Variants in NRF1 observed in about 807,000 individuals in gnomAD.
The protein encoded by NRF1 is nuclear respiratory factor 1.
In NRF1, 5 loss-of-function variants were observed where a neutral mutation model predicts 58.5. The observed-to-expected ratio is 0.09, with a 90% confidence interval of 0.04 to 0.18. The LOEUF is 0.18. NRF1 is among the 10% of genes least tolerant of loss of function. NRF1 has a pLI of 1.00. For synonymous variants in NRF1, 224 were observed against 246.7 expected (o/e 0.91, Z 0.86); for missense variants, 288 against 657.7 (o/e 0.44, Z 6.15).
chr7:129,701,501 A>G (rs1468526151), intron 5 of NRF1, among the ~76,000 whole-genome samples: 1 of 151,908 alleles, frequency 6.6e-6, no homozygotes, highest in Non-Finnish European at 1.5e-5. Context: ...AGGTTGAGGC[A>G]GGAGAATCAC....
chr7:129,696,193 G>A (rs1235417454), intron 5 of NRF1, among the ~76,000 whole-genome samples: 3 of 151,884 alleles, frequency 2.0e-5, no homozygotes, highest in Non-Finnish European at 4.4e-5. Context: ...GCAGTGAGCC[G>A]AGATCATGCC....
chr7:129,665,444 G>A (rs1051258472), intron 2 of NRF1, among the ~76,000 whole-genome samples: 1 of 152,184 alleles, frequency 6.6e-6, no homozygotes, highest in African/African-American at 2.4e-5. Context: ...ATATTGTGTT[G>A]CCTGTCAGAA....
intron 5 of NRF1, among the ~76,000 whole-genome samples, chr7:129,700,630 T>A (rs1370245991): frequency 6.6e-6 from 1 of 152,146 alleles, no homozygotes; most frequent in East Asian, 1.9e-4. Flanking sequence ...TAAGAGAATA[T>A]ATATGGGCCA....
At chr7:129,683,633 A>AT (rs36101502) in intron 4 of NRF1, among the ~76,000 whole-genome samples, 69,238 of 117,446 alleles carry the variant, frequency 0.59, 21,163 homozygotes, top group Non-Finnish European at 0.64. Context: ...ACTGGCCGGA[A>AT]TTTTTTTTTT....
intron 1 of NRF1, among the ~76,000 whole-genome samples, chr7:129,648,371 C>T (rs987733264): frequency 6.6e-6 from 1 of 151,266 alleles, no homozygotes; most frequent in Non-Finnish European, 1.5e-5. Flanking sequence ...GCTCCGCCTC[C>T]CGGGTTCACG....
chr7:129,630,894 A>G (rs1231982315), intron 1 of NRF1, among the ~76,000 whole-genome samples: 1 of 152,204 alleles, frequency 6.6e-6, no homozygotes, highest in African/African-American at 2.4e-5. Flanking sequence ...AACCAGTTTT[A>G]TGTTAACCTA....
chr7:129,727,878 C>T lies in NRF1; in HGVS notation c.1348+513C>T, dbSNP rs569235326. Among the ~76,000 whole-genome samples the T allele has an allele frequency of 1.8e-4, 27 of 152,280 alleles. No homozygotes were observed. The East Asian group carries it at 5.2e-3, about 29-fold the overall frequency. Reference sequence around the variant, plus strand: ...CTGCTTCCTGTTATATGTAGCCTCACGAAGGACCTTTGGATTTAGCCAATT... The same window carrying T: ...CTGCTTCCTGTTATATGTAGCCTCATGAAGGACCTTTGGATTTAGCCAATT... On this transcript the variant is annotated intron_variant, in intron 10 of 10. Transcript: ENST00000393232.
chr7:129,617,861 C>T (rs1800688920), intron 1 of NRF1, among the ~76,000 whole-genome samples: 1 of 152,108 alleles, frequency 6.6e-6, no homozygotes, highest in South Asian at 2.1e-4. Context: ...AGAGGAAGGG[C>T]ATCAGTAGTC....
chr7:129,622,655 T>C (rs140167241), intron 1 of NRF1, among the ~76,000 whole-genome samples: 3,457 of 151,620 alleles, frequency 0.023, 134 homozygotes, highest in African/African-American at 0.08. Flanking sequence ...CTGCAACCTC[T>C]GGCTCCCAGG....
chr7:129,684,698 A>C (rs1239589283), intron 4 of NRF1, among the ~76,000 whole-genome samples: 2 of 152,210 alleles, frequency 1.3e-5, no homozygotes, highest in Admixed American at 1.3e-4. Context: ...CATTGTCTTT[A>C]GGGCAATGAA....
At chr7:129,754,888 C>T (rs1804215531) in intron 10 of NRF1, 130 bp from the exon 11 acceptor site, 2 of 795,694 alleles carry the variant, frequency 2.5e-6, no homozygotes, top group Admixed American at 2.9e-5. Flanking sequence ...TGTGCCTGGG[C>T]CATGGGTATG....
intron 1 of NRF1, among the ~76,000 whole-genome samples, chr7:129,637,211 GA>G (rs1400099718): frequency 3.3e-5 from 5 of 150,952 alleles, no homozygotes; most frequent in Middle Eastern, 3.4e-3. Flanking sequence ...CTTACATTTT[GA>G]GGTTCTGTAC....
chr7:129,611,913 G>A (rs1800537431), intron 1 of NRF1, 89 bp downstream of exon 1: 1 of 148,756 alleles, frequency 6.7e-6, no homozygotes, highest in Non-Finnish European at 1.5e-5. Context: ...GGCCCGCCCC[G>A]CAGCCGGCAC....
At chr7:129,674,414 G>A (rs1384553593) in intron 3 of NRF1, among the ~76,000 whole-genome samples, 2 of 144,048 alleles carry the variant, frequency 1.4e-5, no homozygotes, top group Non-Finnish European at 3.0e-5. Context: ...AAAAAAAAAA[G>A]CAATGTACAT....
chr7:129,663,811 C>T (rs1034456227), intron 2 of NRF1, among the ~76,000 whole-genome samples: 5 of 152,294 alleles, frequency 3.3e-5, no homozygotes, highest in Admixed American at 1.3e-4. Context: ...GCCAAGATCA[C>T]GCCACTGTAC....
intron 5 of NRF1, among the ~76,000 whole-genome samples, chr7:129,696,761 C>T (rs1278130592): frequency 6.6e-6 from 1 of 152,150 alleles, no homozygotes; most frequent in East Asian, 1.9e-4. Flanking sequence ...CATTCTGAAT[C>T]ATCTAAAGAG....
intron 4 of NRF1, among the ~76,000 whole-genome samples, chr7:129,687,113 C>T (rs1334799786): frequency 6.6e-6 from 1 of 152,084 alleles, no homozygotes; most frequent in Admixed American, 6.6e-5. Flanking sequence ...CAGAGTCCAA[C>T]CCTTTTGAAT....
intron 4 of NRF1, among the ~76,000 whole-genome samples, chr7:129,686,936 A>T (rs1290689141): frequency 6.6e-6 from 1 of 152,254 alleles, no homozygotes; most frequent in Non-Finnish European, 1.5e-5. Context: ...AAGAAAAAAC[A>T]TTGATAAATG....
intron 10 of NRF1, among the ~76,000 whole-genome samples, chr7:129,733,746 C>T (rs928248887): frequency 2.0e-5 from 3 of 152,028 alleles, no homozygotes; most frequent in South Asian, 2.1e-4. Flanking sequence ...AGTGGAGGCC[C>T]GACAAAGTAG....
Sources: allele counts gnomAD v4.1 joint callset (sites outside exome capture counted in the v4.1 genomes callset), GRCh38; gene constraint gnomAD v4.1.1; transcripts MANE v1.5; gene names NCBI Gene and HGNC (gene_info 2026-07-23, HGNC 2026-07-21).